PSMB6: variants seen among roughly 807,000 people sequenced by gnomAD.
PSMB6 encodes proteasome 20S subunit beta 6, also known as proteasome subunit beta type-6.
In PSMB6, 11 loss-of-function variants were observed where a neutral mutation model predicts 28.2. The ratio of observed to expected loss-of-function variants is 0.39; its 90% CI spans 0.25 to 0.65. PSMB6 has a LOEUF of 0.65. Among genes scored for constraint, PSMB6 ranks in the 30% least tolerant of loss-of-function variants. The probability of loss-of-function intolerance (pLI) is 0.48; values close to 1 mark genes in which losing one functional copy is unlikely to be tolerated. For missense variants in PSMB6, 268 were observed against 319.4 expected, an observed-to-expected ratio of 0.84 and a Z score of 1.23; for synonymous variants, 126 against 117.7, an observed-to-expected ratio of 1.07 and a Z score of -0.45.
chr17:4,797,897 C>A (rs1325740462), intron 4 of PSMB6, 86 bp downstream of exon 4: 1 of 1,602,674 alleles, frequency 6.2e-7, no homozygotes, highest in Non-Finnish European at 8.5e-7. Context: ...CAGTCTCTAC[C>A]TCACTTATTC....
intron 3 of PSMB6, 23 bp from the exon 4 acceptor site, chr17:4,797,659 C>T (rs773039765): frequency 6.2e-7 from 1 of 1,611,604 alleles, no homozygotes; most frequent in Non-Finnish European, 8.5e-7. Flanking sequence ...GAAACTTTCT[C>T]TGTGACTTCC....
chr17:4,798,354 G>A lies in PSMB6; in HGVS notation c.652G>A (p.Val218Ile), dbSNP rs1905409642. The change falls in exon 6 of 6, where the codon GTA becomes ATA. Residue 218 changes from valine to isoleucine, a missense_variant. Coordinates refer to ENST00000270586, the MANE Select transcript of PSMB6 (RefSeq NM_002798.3). ...CCTGGCAGCCATTGCAGAGTCAGGG[G>A]TAGAGCGGCAAGTACTTTTGGGAGA... ...IRLAAIAESG[V>I]ERQVLLGDQI... 1 of 1,614,256 alleles carries A rather than the reference G, an allele frequency of 6.2e-7. No individual in the cohort carries two copies. Among genetic ancestry groups the A allele is most frequent in the South Asian group, 1.1e-5 (1 of 91,088 alleles).
intron 5 of PSMB6, 44 bp downstream of exon 5, chr17:4,798,197 A>T: frequency 1.2e-6 from 2 of 1,613,092 alleles, no homozygotes; most frequent in Non-Finnish European, 1.7e-6. Context: ...AACCCCAACT[A>T]CCCAAGCCAG....
intron 2 of PSMB6, 156 bp from the exon 3 acceptor site, chr17:4,797,282 T>C: frequency 9.6e-6 from 9 of 934,110 alleles, no homozygotes; most frequent in Non-Finnish European, 1.4e-5. Context: ...GTCACTGTAC[T>C]CCAGCCTGGG....
chr17:4,797,065 G>A lies in PSMB6; in HGVS notation c.170+270G>A, dbSNP rs1400283765. Reference sequence around the variant, plus strand: ...ACGGTGGCTCACGCCTGTAATCCCAGTACTTTGGGAGGCCGAGGCGGGTGG... The same window carrying A: ...ACGGTGGCTCACGCCTGTAATCCCAATACTTTGGGAGGCCGAGGCGGGTGG... On this transcript the variant is annotated intron_variant, in intron 2 of 5. Transcript: ENST00000270586. 2.8e-5 allele frequency: 13 copies of A among 471,588 alleles called. No homozygotes were observed. In the South Asian group the frequency reaches 2.8e-4, roughly 10 times the overall value. The allele number at this position is 471,588 out of a possible 1,614,324, so 29.2% of individuals were successfully genotyped here. A position where few individuals can be genotyped will look rare whatever the true frequency, so the allele number is the denominator to read the frequency against.
chr17:4,797,274 C>A (rs887314936), intron 2 of PSMB6, 164 bp from the exon 3 acceptor site: 3 of 830,924 alleles, frequency 3.6e-6, no homozygotes, highest in Admixed American at 6.0e-5. Flanking sequence ...GAGATCGCGT[C>A]ACTGTACTCC....
intron 1 of PSMB6, among the ~76,000 whole-genome samples, 187 bp from the exon 2 acceptor site, chr17:4,796,541 G>C (rs1225578076): frequency 6.6e-6 from 1 of 152,146 alleles, no homozygotes; most frequent in Non-Finnish European, 1.5e-5. Flanking sequence ...TTGGGCTTAA[G>C]TACGGGATGA....
At chr17:4,797,889 G>C (rs1905389025) in intron 4 of PSMB6, 78 bp downstream of exon 4, 1 of 1,605,118 alleles carries the variant, frequency 6.2e-7, no homozygotes, top group Non-Finnish European at 8.5e-7. Context: ...TTTCTTTCCA[G>C]TCTCTACCTC....
At chr17:4,797,981 T>C (rs1350303241) in intron 4 of PSMB6, 28 bp from the exon 5 acceptor site, 1 of 1,613,666 alleles carries the variant, frequency 6.2e-7, no homozygotes, top group South Asian at 1.1e-5. Flanking sequence ...AGGATACGAC[T>C]GGTGACTCCT....
rs1193526033 is a variant in PSMB6 at position 4,797,421 on chromosome 17, A to G, written c.171-17A>G. On this transcript the variant is annotated splice_polypyrimidine_tract_variant and intron_variant, in intron 2 of 5. Coordinates refer to ENST00000270586, the MANE Select transcript of PSMB6 (RefSeq NM_002798.3). The stretch of plus-strand genomic sequence containing the variant: ...AGACAGGTGGGCTCCTTTCCTCACT[A>G]TTCTGCCATCCTGCAGGTCCTACAT... The G allele has an allele frequency of 6.5e-7, 1 of 1,541,894 alleles. No homozygotes were observed. Among genetic ancestry groups the G allele is most frequent in the East Asian group, 2.3e-5 (1 of 44,082 alleles).
Position 4,796,769 on chromosome 17 carries a change from G to C in PSMB6, c.144G>C (p.Leu48=). Residue 48 remains leucine, a synonymous_variant, in exon 2 of 6, where the codon CTG becomes CTC. Coordinates refer to ENST00000270586, the MANE Select transcript of PSMB6 (RefSeq NM_002798.3). ...TGCAGTTTGACGGGGGCGTGGTTCT[G>C]GGGGCGGACTCCAGAACAACCACTG... The part of the protein sequence containing the change: ...MAVQFDGGVV[L]GADSRTTTGS... 6.2e-7 allele frequency: 1 copy of C among 1,609,152 alleles called. No homozygotes were observed. The highest frequency in any genetic ancestry group is 8.5e-7 in the Non-Finnish European group (1 of 1,175,586).
chr17:4,797,226 A>G, intron 2 of PSMB6: 1 of 558,134 alleles, frequency 1.8e-6, no homozygotes. Context: ...AGGGCTAGAG[A>G]ATCGCTTGGA....
In PSMB6 at chr17:4,798,464, A is replaced by G. The variant is rs183435362; in HGVS notation, c.*42A>G. On this transcript the variant is annotated 3_prime_UTR_variant, in exon 6 of 6. Coordinates refer to ENST00000270586, the MANE Select transcript of PSMB6 (RefSeq NM_002798.3). ...ATGCAATAAGAGATGCCCTGTACTG[A>G]TGCAAAATTTAATAAAGTTTGTCAC... 68 of 1,555,044 alleles carry G rather than the reference A, an allele frequency of 4.4e-5. No individual in the cohort carries two copies. The African/African-American group carries it at 7.3e-4, about 17-fold the overall frequency.
chr17:4,797,977 C>G (rs574553605), intron 4 of PSMB6, 32 bp from the exon 5 acceptor site: 1 of 1,613,102 alleles, frequency 6.2e-7, no homozygotes, highest in South Asian at 1.1e-5. Context: ...AGGGAGGATA[C>G]GACTGGTGAC....
intron 2 of PSMB6, 84 bp from the exon 3 acceptor site, chr17:4,797,354 C>T: frequency 2.7e-6 from 4 of 1,471,912 alleles, no homozygotes; most frequent in Middle Eastern, 3.6e-4. Flanking sequence ...ACATCCTATC[C>T]CTGAGCCCTA....
chr17:4,796,199 C>T lies in PSMB6; in HGVS notation c.5C>T (p.Ala2Val). The change falls in exon 1 of 6, where the codon GCG becomes GTG. Residue 2 changes from alanine (A) to valine (V), a missense_variant. Physicochemically the swap from Ala to Val is moderately conservative, Grantham distance 64. Coordinates refer to ENST00000270586, the MANE Select transcript of PSMB6 (RefSeq NM_002798.3). M[A>V]ATLLAARGAG... ...AGGCAGTACCGGAGGAGAAAGATGG[C>T]GGCTACCTTACTAGCTGCTCGGGGA... 2 of 1,581,990 alleles carry T rather than the reference C, an allele frequency of 1.3e-6. No homozygotes were observed. Among genetic ancestry groups the T allele is most frequent in the Non-Finnish European group, 1.7e-6 (2 of 1,163,764 alleles).
At position 4,798,096 on chromosome 17, in the gene PSMB6, G is replaced by C. The variant is rs1235608302; in HGVS notation, c.520G>C (p.Asp174His). 1.2e-6 allele frequency: 2 copies of C among 1,614,058 alleles called. No individual in the cohort carries two copies. Among genetic ancestry groups the C allele is most frequent in the Non-Finnish European group, 1.7e-6 (2 of 1,180,040 alleles). The change falls in exon 5 of 6, where the codon GAT becomes CAT. Residue 174 changes from aspartate to histidine, a missense_variant. By Grantham distance (81) the Asp-to-His change is moderately conservative (BLOSUM62 -1). Transcript: ENST00000270586. ...GAGCTCCTACATCTATGGCTATGTT[G>C]ATGCTACCTACCGGGAAGGCATGAC... ...SGSSYIYGYV[D>H]ATYREGMTKE... is the part of the protein sequence containing the mutation.
At chr17:4,796,364 T>G in intron 1 of PSMB6, 68 bp downstream of exon 1, 2 of 1,288,186 alleles carry the variant, frequency 1.6e-6, no homozygotes, top group East Asian at 2.5e-5. Flanking sequence ...AAAGCCTGAG[T>G]GGGGTTGAGA....
chr17:4,796,889 G>A, intron 2 of PSMB6, 94 bp downstream of exon 2: 1 of 1,059,336 alleles, frequency 9.4e-7, no homozygotes, highest in Non-Finnish European at 1.4e-6. Context: ...GACCACTGTG[G>A]GAAGAGAGGT....
Sources: allele counts gnomAD v4.1 joint callset (sites outside exome capture counted in the v4.1 genomes callset), GRCh38; gene constraint gnomAD v4.1.1; transcripts MANE v1.5; gene names NCBI Gene and HGNC (gene_info 2026-07-23, HGNC 2026-07-21).